The following ACACA variants were observed in gnomAD, a reference collection of about 807,000 sequenced individuals.
The protein encoded by ACACA is acetyl-CoA carboxylase alpha, also known as acetyl-CoA carboxylase 1.
Under a neutral mutation model 296.1 loss-of-function variants are expected in ACACA, and 103 were observed. That is an observed-to-expected ratio of 0.35 (90% CI 0.30 to 0.41). The LOEUF (loss-of-function observed/expected upper bound fraction) is 0.41. Ranked by LOEUF, ACACA falls within the 10% of genes least tolerant of loss-of-function variation. ACACA has a pLI of 1.00. For synonymous variants in ACACA, 953 were observed against 1,038.6 expected (o/e 0.92, Z 1.58); for missense variants, 1,554 against 2,989.7 (o/e 0.52, Z 11.20).
At chr17:37,324,461 G>A (rs1390639369) in intron 3 of ACACA, among the ~76,000 whole-genome samples, 7 of 151,032 alleles carry the variant, frequency 4.6e-5, no homozygotes. Context: ...CGTGAGGTCG[G>A]GAGTTTGAGA....
chr17:37,305,582 A>AT (rs1403778561), intron 3 of ACACA, among the ~76,000 whole-genome samples: 1 of 152,184 alleles, frequency 6.6e-6, no homozygotes, highest in Non-Finnish European at 1.5e-5. Flanking sequence ...GGGCCTTATC[A>AT]TGTCTCTTCT....
chr17:37,352,140 G>C (rs934906427), intron 1 of ACACA, among the ~76,000 whole-genome samples: 1 of 150,172 alleles, frequency 6.7e-6, no homozygotes, highest in Non-Finnish European at 1.5e-5. Context: ...GGATGGTCTC[G>C]ATCTCCTGAC....
Position 37,162,710 on chromosome 17 carries a change from T to A in ACACA, c.5080-660A>T, listed in dbSNP as rs530264765. ...ATGCTGCCCTTCTATGGTATGCGAA[T>A]CTTGCACCTAATCATGTCATTGTCA... On this transcript the variant is annotated intron_variant, in intron 41 of 55. Transcript: ENST00000616317. 354 of 240,302 alleles carry A rather than the reference T, an allele frequency of 1.5e-3. 1 individual carries two copies. The highest frequency in any genetic ancestry group is 2.2e-3 in the Non-Finnish European group (273 of 125,466). The allele number at this position is 240,302 out of a possible 1,614,324, so 14.9% of individuals were successfully genotyped here.
chr17:37,198,624 C>T lies in ACACA; in HGVS notation c.4158+1515G>A, dbSNP rs539180531. Among the ~76,000 whole-genome samples, 5 of 152,176 alleles carry T rather than the reference C, an allele frequency of 3.3e-5. No individual in the cohort carries two copies. The South Asian group carries it at 1.0e-3, about 32-fold the overall frequency. On this transcript the variant is annotated intron_variant, in intron 35 of 55. Coordinates refer to ENST00000616317, the MANE Select transcript of ACACA (RefSeq NM_198834.3). Reference sequence around the variant, plus strand: ...CTTCTCCACTGACTCCGTTTCCTATCTAAAGTTATTGATTGACATATATCT... The same window carrying T: ...CTTCTCCACTGACTCCGTTTCCTATTTAAAGTTATTGATTGACATATATCT...
At chr17:37,275,519 A>G (rs1166901160) in intron 8 of ACACA, among the ~76,000 whole-genome samples, 1 of 151,680 alleles carries the variant, frequency 6.6e-6, no homozygotes, top group East Asian at 1.9e-4. Context: ...AAAAAGAAAA[A>G]AAAAGAAAAA....
At chr17:37,248,735 A>T (rs981234528) in intron 16 of ACACA, 61 bp from the exon 17 acceptor site, 8 of 1,194,412 alleles carry the variant, frequency 6.7e-6, no homozygotes, top group Non-Finnish European at 9.9e-6. Flanking sequence ...GAGAATCTAA[A>T]ACATTATTGA....
chr17:37,309,496 A>G (rs1022557609), intron 3 of ACACA, among the ~76,000 whole-genome samples: 6 of 152,152 alleles, frequency 3.9e-5, no homozygotes, highest in Admixed American at 3.9e-4. Flanking sequence ...TTGCAATGGG[A>G]AAAAAAGGAA....
chr17:37,100,088 A>T (rs1433334219), intron 52 of ACACA, among the ~76,000 whole-genome samples: 1 of 152,192 alleles, frequency 6.6e-6, no homozygotes, highest in Non-Finnish European at 1.5e-5. Context: ...AGGGAAAGGG[A>T]ACACTCTCTC....
intron 1 of ACACA, chr17:37,367,832 C>G (rs1293095314): frequency 1.3e-5 from 2 of 152,156 alleles, no homozygotes; most frequent in Non-Finnish European, 2.9e-5. Context: ...CTGTGAGAGG[C>G]CAAGGTGGGT....
chr17:37,395,429 CAAA>C (rs11409136), intron 1 of ACACA, among the ~76,000 whole-genome samples: 3 of 126,454 alleles, frequency 2.4e-5, no homozygotes, highest in Admixed American at 1.6e-4. Flanking sequence ...GACTCCATTT[CAAA>C]AAAAAAAAAA....
At chr17:37,403,298 AGAG>A (rs1024686733) in intron 1 of ACACA, among the ~76,000 whole-genome samples, 8 of 151,734 alleles carry the variant, frequency 5.3e-5, no homozygotes, top group Admixed American at 5.3e-4. Context: ...ACAAAAACCC[AGAG>A]GAGTACTGCC....
At chr17:37,123,737 C>T (rs774113379) in intron 48 of ACACA, among the ~76,000 whole-genome samples, 5 of 152,142 alleles carry the variant, frequency 3.3e-5, no homozygotes, top group Non-Finnish European at 7.3e-5. Flanking sequence ...AACCAGACAA[C>T]GAGCAGGAGA....
At chr17:37,105,817 T>C (rs2073648615) in intron 52 of ACACA, among the ~76,000 whole-genome samples, 1 of 150,444 alleles carries the variant, frequency 6.6e-6, no homozygotes, top group Non-Finnish European at 1.5e-5. Context: ...TGAGCCGTGA[T>C]CGTGCCATTG....
Position 37,113,308 on chromosome 17 carries a change from C to A in ACACA, c.6275-43G>T, listed in dbSNP as rs751118521. The stretch of plus-strand genomic sequence containing the variant: ...AATTAGAAATCAAGAAATTTCTCTT[C>A]CTCAAAGCAGTACTTTTAAACACTG... On this transcript the variant is annotated intron_variant, in intron 50 of 55. Coordinates refer to ENST00000616317, the MANE Select transcript of ACACA (RefSeq NM_198834.3). This position sits in a 1 kb window ranked among gnomAD's most constrained non-coding sequence, Gnocchi z 4.0. 1 of 1,594,696 alleles carries A rather than the reference C, an allele frequency of 6.3e-7. No homozygotes were observed. The highest frequency in any genetic ancestry group is 1.1e-5 in the South Asian group (1 of 89,740).
intron 3 of ACACA, chr17:37,299,534 T>C: frequency 7.0e-7 from 1 of 1,423,748 alleles, no homozygotes; most frequent in South Asian, 1.6e-5. Flanking sequence ...AATTTCCTTC[T>C]TTCCCCACCT....
chr17:37,113,705 T>C lies in ACACA; in HGVS notation c.6275-440A>G, dbSNP rs1255972033. ...TGATGCTTAGCATAGGATGAGCTCT[T>C]CAAATGTGCACCTAATGGAAATTGA... is the stretch of plus-strand genomic sequence containing the variant. On this transcript the variant is annotated intron_variant, in intron 50 of 55. Coordinates refer to ENST00000616317, the MANE Select transcript of ACACA (RefSeq NM_198834.3). This position sits in a 1 kb window ranked among gnomAD's most constrained non-coding sequence, Gnocchi z 4.0. Among the ~76,000 whole-genome samples the C allele has an allele frequency of 6.6e-6, 1 of 152,222 alleles. No individual in the cohort carries two copies. Among genetic ancestry groups the C allele is most frequent in the Non-Finnish European group, 1.5e-5 (1 of 68,034 alleles).
At chr17:37,221,458 T>C in intron 29 of ACACA, 1 of 417,570 alleles carries the variant, frequency 2.4e-6, no homozygotes. Context: ...TTTCTAATTT[T>C]TTAAAAAAGA....
chr17:37,263,157 G>A (rs754439104), intron 11 of ACACA, among the ~76,000 whole-genome samples: 7 of 152,212 alleles, frequency 4.6e-5, no homozygotes, highest in Non-Finnish European at 8.8e-5. Flanking sequence ...TTGATGTAGA[G>A]ACTGGGTTAG....
intron 2 of ACACA, among the ~76,000 whole-genome samples, chr17:37,331,826 G>A (rs1208519575): frequency 1.3e-5 from 2 of 151,984 alleles, no homozygotes; most frequent in Non-Finnish European, 1.5e-5. Flanking sequence ...ACAGGTGTAA[G>A]CCACTGTGCC....
Sources: gnomAD v4.1 joint callset for allele counts (sites outside exome capture counted in the v4.1 genomes callset) on GRCh38, gnomAD v4.1.1 for gene constraint, Gnocchi (gnomAD v3.1) non-coding constraint, MANE v1.5 for transcripts, NCBI Gene and HGNC (gene_info 2026-07-23, HGNC 2026-07-21) for gene names.